Variants in IMMP2L observed in about 807,000 individuals in gnomAD.
IMMP2L encodes mitochondrial inner membrane protease subunit 2.
Under a neutral mutation model 19.3 loss-of-function variants are expected in IMMP2L, and 18 were observed. The ratio of observed to expected loss-of-function variants is 0.93; its 90% CI spans 0.64 to 1.38. The LOEUF (loss-of-function observed/expected upper bound fraction) is 1.38, where lower values mean the gene tolerates loss of function less well. Ranked by LOEUF, IMMP2L falls within the 40% of genes most tolerant of loss-of-function variation. IMMP2L has a pLI of 0.00. For missense variants in IMMP2L, 233 were observed against 218.2 expected (o/e 1.07, Z -0.43); for synonymous variants, 76 against 73.0 (o/e 1.04, Z -0.21).
chr7:111,067,400 G>A (rs915029796), intron 3 of IMMP2L, among the ~76,000 whole-genome samples: 1 of 152,186 alleles, frequency 6.6e-6, no homozygotes, highest in Non-Finnish European at 1.5e-5. Context: ...AAGTTTGGGT[G>A]GGACCAATGC....
chr7:110,667,071 C>T (rs1791514701), intron 5 of IMMP2L, among the ~76,000 whole-genome samples: 1 of 152,082 alleles, frequency 6.6e-6, no homozygotes, highest in African/African-American at 2.4e-5. Context: ...GGGGTTTCAC[C>T]GTGTTAGCCA....
At chr7:111,472,771 T>C (rs553682199) in intron 3 of IMMP2L, among the ~76,000 whole-genome samples, 25 of 152,134 alleles carry the variant, frequency 1.6e-4, no homozygotes, top group Non-Finnish European at 2.5e-4. Context: ...GTAGTCATGG[T>C]AGTTATTTCC....
intron 4 of IMMP2L, among the ~76,000 whole-genome samples, chr7:110,919,021 T>C (rs1199197886): frequency 5.9e-5 from 9 of 152,122 alleles, no homozygotes; most frequent in Admixed American, 5.9e-4. Flanking sequence ...CAATAAAATC[T>C]AGGTCAAACT....
chr7:111,509,697 AAT>A (rs1845267877), intron 2 of IMMP2L, among the ~76,000 whole-genome samples: 2 of 152,208 alleles, frequency 1.3e-5, no homozygotes, highest in African/African-American at 4.8e-5. Flanking sequence ...TATATTACTT[AAT>A]ATGAGTCATG....
chr7:110,772,876 A>C (rs1228965334), intron 5 of IMMP2L, among the ~76,000 whole-genome samples: 1 of 152,150 alleles, frequency 6.6e-6, no homozygotes, highest in Non-Finnish European at 1.5e-5. Context: ...CAAGTGCAGT[A>C]AATGACATGC....
At chr7:111,234,584 A>G (rs1814076888) in intron 3 of IMMP2L, among the ~76,000 whole-genome samples, 3 of 152,024 alleles carry the variant, frequency 2.0e-5, no homozygotes, top group African/African-American at 7.2e-5. Flanking sequence ...TTGGATTTGA[A>G]TCTACCCTTT....
chr7:111,028,573 T>TCTGCATAACAGGTTATTAAATA (rs1168809238), intron 3 of IMMP2L, among the ~76,000 whole-genome samples: 8 of 152,086 alleles, frequency 5.3e-5, no homozygotes, highest in Admixed American at 4.6e-4. Context: ...GGTATGACTG[T>TCTGCATAACAGGTTATTAAATA]CTGCATAACA....
intron 3 of IMMP2L, among the ~76,000 whole-genome samples, chr7:111,214,978 G>T (rs1161779327): frequency 6.6e-6 from 1 of 151,966 alleles, no homozygotes; most frequent in Non-Finnish European, 1.5e-5. Flanking sequence ...TCCTTAGAAA[G>T]AAAAACAAAA....
At chr7:110,997,803 T>C (rs1823203245) in intron 3 of IMMP2L, among the ~76,000 whole-genome samples, 1 of 152,126 alleles carries the variant, frequency 6.6e-6, no homozygotes, top group Non-Finnish European at 1.5e-5. Flanking sequence ...TCTCCCAGTC[T>C]GCAGCTTGTC....
intron 5 of IMMP2L, among the ~76,000 whole-genome samples, chr7:110,799,453 G>T (rs1337760221): frequency 6.6e-6 from 1 of 151,958 alleles, no homozygotes; most frequent in Admixed American, 6.6e-5. Flanking sequence ...AATTTAGATT[G>T]TAAAGTTGTT....
At chr7:111,402,047 C>T (rs866315750) in intron 3 of IMMP2L, among the ~76,000 whole-genome samples, 1 of 151,196 alleles carries the variant, frequency 6.6e-6, no homozygotes, top group Non-Finnish European at 1.5e-5. Context: ...GAGTTCAAGG[C>T]TGTAGTGAGC....
Position 110,721,660 on chromosome 7 carries a change from G to A in IMMP2L, c.409-57939C>T, listed in dbSNP as rs551627447. ...CTCTTCAATTACCTCAGAACTATCA[G>A]TATAACCATTAATTTTCATTTTTCT... On this transcript the variant is annotated intron_variant, in intron 5 of 5. Transcript: ENST00000405709. 7.2e-5 allele frequency among the ~76,000 whole-genome samples: 11 copies of A among 152,104 alleles called. No individual in the cohort carries two copies. In the East Asian group the frequency reaches 1.7e-3, roughly 24 times the overall value.
chr7:111,421,264 TTTC>T (rs1835496939), intron 3 of IMMP2L, among the ~76,000 whole-genome samples: 4 of 142,846 alleles, frequency 2.8e-5, no homozygotes, highest in South Asian at 2.1e-4. Flanking sequence ...TGTTTGTTTT[TTTC>T]TTTTTTTTTT....
chr7:111,205,797 C>G (rs1239966228), intron 3 of IMMP2L, among the ~76,000 whole-genome samples: 1 of 152,112 alleles, frequency 6.6e-6, no homozygotes, highest in African/African-American at 2.4e-5. Context: ...CACAGAGGAG[C>G]CCATGGGAAC....
At chr7:110,724,878 C>T (rs1057012787) in intron 5 of IMMP2L, among the ~76,000 whole-genome samples, 14 of 152,162 alleles carry the variant, frequency 9.2e-5, no homozygotes, top group African/African-American at 2.2e-4. Flanking sequence ...CTGTGAGTGG[C>T]GTATCAAGAA....
At chr7:111,104,184 T>C (rs1331587545) in intron 3 of IMMP2L, among the ~76,000 whole-genome samples, 1 of 151,670 alleles carries the variant, frequency 6.6e-6, no homozygotes, top group African/African-American at 2.4e-5. Flanking sequence ...CATACCTGCC[T>C]TTACTATTCG....
intron 4 of IMMP2L, among the ~76,000 whole-genome samples, chr7:110,907,482 G>A (rs1812591201): frequency 6.6e-6 from 1 of 152,068 alleles, no homozygotes; most frequent in Non-Finnish European, 1.5e-5. Flanking sequence ...TGAGTCCAGG[G>A]TTTTTATGGG....
intron 3 of IMMP2L, among the ~76,000 whole-genome samples, chr7:111,484,743 T>A (rs1337164258): frequency 6.6e-6 from 1 of 152,146 alleles, no homozygotes; most frequent in Non-Finnish European, 1.5e-5. Context: ...CTAAATTGTA[T>A]GAAAATACAT....
chr7:110,888,180 T>A (rs1810428802), intron 4 of IMMP2L, among the ~76,000 whole-genome samples: 1 of 152,162 alleles, frequency 6.6e-6, no homozygotes, highest in African/African-American at 2.4e-5. Flanking sequence ...AGTTTTCAGC[T>A]TTTTAAAGAA....
Sources: allele counts gnomAD v4.1 joint callset (sites outside exome capture counted in the v4.1 genomes callset), GRCh38; gene constraint gnomAD v4.1.1; transcripts MANE v1.5; gene names NCBI Gene and HGNC (gene_info 2026-07-23, HGNC 2026-07-21).